Variants in FSTL4 observed in about 807,000 individuals in gnomAD.
FSTL4 encodes follistatin like 4, also known as follistatin-related protein 4.
In FSTL4, 28 loss-of-function variants were observed where a neutral mutation model predicts 78.2. That is an observed-to-expected ratio of 0.36 (90% CI 0.27 to 0.49). FSTL4 has a LOEUF of 0.49. Among genes scored for constraint, FSTL4 ranks in the 20% least tolerant of loss-of-function variants. The pLI is 0.98. For missense variants in FSTL4, 922 were observed against 1,084.9 expected (o/e 0.85, Z 2.11); for synonymous variants, 422 against 440.5 (o/e 0.96, Z 0.53).
chr5:133,379,162 G>A (rs535873386), intron 4 of FSTL4, among the ~76,000 whole-genome samples: 4 of 152,130 alleles, frequency 2.6e-5, no homozygotes, highest in East Asian at 1.9e-4. Context: ...AGATAACCAG[G>A]TGTTATATAA....
At chr5:133,771,629 T>A in the FSTL4 span, among the ~76,000 whole-genome samples, 2 of 152,176 alleles carry the variant, frequency 1.3e-5, no homozygotes, top group Non-Finnish European at 2.9e-5. Context: ...CTAAGGATTT[T>A]TTTTTGTGGA....
chr5:133,459,865 C>T (rs982148894), intron 3 of FSTL4, among the ~76,000 whole-genome samples: 2 of 152,208 alleles, frequency 1.3e-5, no homozygotes, highest in Admixed American at 1.3e-4. Context: ...TCCCCTTTCC[C>T]TAGGCAAAGA....
intron 2 of FSTL4, 79 bp downstream of exon 2, chr5:133,603,779 A>G: frequency 6.8e-7 from 1 of 1,468,552 alleles, no homozygotes; most frequent in Non-Finnish European, 9.5e-7. Context: ...TCTAAACTAA[A>G]GGTGGAGGGG....
At chr5:133,392,364 A>G (rs250857) in intron 4 of FSTL4, among the ~76,000 whole-genome samples, 143,828 of 152,218 alleles carry the variant, frequency 0.94, 68,078 homozygotes, top group Non-Finnish European at 0.97. Flanking sequence ...AGAAGGAGGG[A>G]TCTACGGAGA....
chr5:133,556,855 T>A (rs1048152585), intron 3 of FSTL4, among the ~76,000 whole-genome samples: 1 of 152,182 alleles, frequency 6.6e-6, no homozygotes, highest in East Asian at 1.9e-4. Flanking sequence ...ACAAACATCA[T>A]CAAGGAAAGG....
the FSTL4 span, among the ~76,000 whole-genome samples, chr5:133,713,325 G>T: frequency 6.6e-5 from 10 of 152,270 alleles, no homozygotes; most frequent in Admixed American, 6.5e-4. Context: ...CCATAAAAAA[G>T]CAAAGCAAAT....
chr5:133,318,597 A>G (rs1402875780), intron 4 of FSTL4, among the ~76,000 whole-genome samples: 2 of 152,134 alleles, frequency 1.3e-5, no homozygotes, highest in African/African-American at 4.8e-5. Context: ...AGCCCCCAGG[A>G]CTTCCTGGAG....
intron 14 of FSTL4, among the ~76,000 whole-genome samples, chr5:133,208,525 T>C (rs945261264): frequency 6.6e-6 from 1 of 152,232 alleles, no homozygotes; most frequent in South Asian, 2.1e-4. Context: ...AATGTTTGAC[T>C]CCGTTCTAAT....
chr5:133,446,237 G>C (rs201471896), intron 3 of FSTL4, among the ~76,000 whole-genome samples: 1 of 152,128 alleles, frequency 6.6e-6, no homozygotes, highest in Non-Finnish European at 1.5e-5. Flanking sequence ...GTCAGGAGTT[G>C]GAGACCAGCC....
At chr5:133,234,561 C>T (rs994560219) in intron 7 of FSTL4, among the ~76,000 whole-genome samples, 1 of 152,236 alleles carries the variant, frequency 6.6e-6, no homozygotes, top group Non-Finnish European at 1.5e-5. Context: ...CCGTTTTCTA[C>T]AGAGAGCCCT....
At chr5:133,741,461 A>G in the FSTL4 span, among the ~76,000 whole-genome samples, 1 of 152,218 alleles carries the variant, frequency 6.6e-6, no homozygotes, top group South Asian at 2.1e-4. Context: ...CCCATGCAAG[A>G]GTGCAGGAAG....
At chr5:133,210,469 C>CATT (rs72224529) in intron 13 of FSTL4, among the ~76,000 whole-genome samples, 171 bp from the exon 14 acceptor site, 4,768 of 145,438 alleles carry the variant, frequency 0.033, 75 homozygotes, top group Middle Eastern at 0.038. Context: ...TTCTCAGAGG[C>CATT]ATTATTATTA....
chr5:133,245,236 T>A (rs1210200540), intron 7 of FSTL4, among the ~76,000 whole-genome samples: 5 of 151,636 alleles, frequency 3.3e-5, no homozygotes, highest in Admixed American at 6.6e-5. Context: ...GCACTCCAGA[T>A]GTGCCATTGG....
chr5:133,623,589 G>T, the FSTL4 span, among the ~76,000 whole-genome samples: 1 of 151,932 alleles, frequency 6.6e-6, no homozygotes, highest in Non-Finnish European at 1.5e-5. Context: ...TTTGGATTTG[G>T]CAATGTATCC....
At chr5:133,834,302 T>A in the FSTL4 span, among the ~76,000 whole-genome samples, 3 of 151,980 alleles carry the variant, frequency 2.0e-5, no homozygotes, top group East Asian at 3.9e-4. Flanking sequence ...TAGCCCTACA[T>A]CTACTGTTTT....
At chr5:133,544,320 ATT>A (rs1040151964) in intron 3 of FSTL4, among the ~76,000 whole-genome samples, 1 of 150,790 alleles carries the variant, frequency 6.6e-6, no homozygotes, top group Non-Finnish European at 1.5e-5. Flanking sequence ...AAAATCTTTT[ATT>A]TTTTTTTCAG....
the FSTL4 span, among the ~76,000 whole-genome samples, chr5:133,828,855 G>A: frequency 1.1e-4 from 17 of 152,288 alleles, no homozygotes; most frequent in Admixed American, 2.0e-4. Flanking sequence ...TAACCAATAC[G>A]AAGTGCTTGC....
At chr5:133,671,049 C>T in the FSTL4 span, among the ~76,000 whole-genome samples, 1 of 152,278 alleles carries the variant, frequency 6.6e-6, no homozygotes, top group South Asian at 2.1e-4. Flanking sequence ...ATCAAGGCTA[C>T]TATTCTTTTG....
At position 133,196,951 on chromosome 5, in the gene FSTL4, A is replaced by G. The variant is rs1304164688; in HGVS notation, c.*2144T>C. On this transcript the variant is annotated 3_prime_UTR_variant, in exon 16 of 16. Coordinates refer to ENST00000265342, the MANE Select transcript of FSTL4 (RefSeq NM_015082.2). ...CCAGGAAATGCACTCTGAGGACAGC[A>G]AAGGGCAGCTATGCTTTTTTAGACA... is the stretch of plus-strand genomic sequence containing the variant. 1 of 152,284 alleles carries G rather than the reference A, an allele frequency of 6.6e-6. No individual in the cohort carries two copies. Among genetic ancestry groups the G allele is most frequent in the Non-Finnish European group, 1.5e-5 (1 of 68,074 alleles). 9.4% of individuals were successfully genotyped at this position (152,284 alleles called of 1,614,324 possible).
Sources: gnomAD v4.1 joint callset for allele counts (sites outside exome capture counted in the v4.1 genomes callset) on GRCh38, gnomAD v4.1.1 for gene constraint, MANE v1.5 for transcripts, NCBI Gene and HGNC (gene_info 2026-07-23, HGNC 2026-07-21) for gene names.